PRAME: variants seen among roughly 807,000 people sequenced by gnomAD.
The protein encoded by PRAME is melanoma antigen preferentially expressed in tumors.
In PRAME, 21 loss-of-function variants were observed where a neutral mutation model predicts 32.1. That is an observed-to-expected ratio of 0.65 (90% CI 0.46 to 0.94). The LOEUF (loss-of-function observed/expected upper bound fraction) is 0.94, where lower values mean the gene tolerates loss of function less well. Among genes scored for constraint, PRAME ranks in the 40% least tolerant of loss-of-function variants. The pLI is 0.00. For missense variants in PRAME, 651 were observed against 622.3 expected, an observed-to-expected ratio of 1.05 and a Z score of -0.49; for synonymous variants, 274 against 251.5, an observed-to-expected ratio of 1.09 and a Z score of -0.85.
At chr22:22,556,710 G>C in intron 3 of PRAME, 102 bp downstream of exon 3, 1 of 1,407,910 alleles carries the variant, frequency 7.1e-7, no homozygotes, top group Non-Finnish European at 1.0e-6. Context: ...TTCGTCTACT[G>C]TGAGGGACCT....
chr22:22,548,897 G>A (rs2146954695), intron 5 of PRAME, among the ~76,000 whole-genome samples: 2 of 152,014 alleles, frequency 1.3e-5, no homozygotes, highest in South Asian at 4.2e-4. Context: ...GTCCAACACA[G>A]ACCTCTTAGG....
At chr22:22,555,962 G>A (rs568430302) in intron 3 of PRAME, 4 of 459,766 alleles carry the variant, frequency 8.7e-6, no homozygotes, top group African/African-American at 2.0e-5. Context: ...TGTAATCGTG[G>A]CTTTGGCAAT....
Position 22,556,876 on chromosome 22 carries a change from T to C in PRAME, c.-44A>G. 6.2e-7 allele frequency: 1 copy of C among 1,612,146 alleles called. No individual in the cohort carries two copies. Among genetic ancestry groups the C allele is most frequent in the East Asian group, 2.2e-5 (1 of 44,776 alleles). ...GGCCTCAGGACCTCCAACGCTTGGA[T>C]TTCTAGGTCTCAGTCACTTGTTGCC... On this transcript the variant is annotated 5_prime_UTR_variant, in exon 3 of 6. Transcript: ENST00000405655.
At chr22:22,550,544 A>C (rs1423196210) in intron 4 of PRAME, among the ~76,000 whole-genome samples, 2 of 151,912 alleles carry the variant, frequency 1.3e-5, no homozygotes, top group Non-Finnish European at 2.9e-5. Context: ...AGGAGGAAGC[A>C]GGTGCATGTT....
chr22:22,551,574 A>G (rs193167957), intron 3 of PRAME, among the ~76,000 whole-genome samples: 11 of 152,096 alleles, frequency 7.2e-5, no homozygotes, highest in Non-Finnish European at 1.5e-5. Context: ...TCACTAAAAA[A>G]TTTTAAATGA....
intron 3 of PRAME, among the ~76,000 whole-genome samples, chr22:22,552,386 G>T: frequency 8.1e-6 from 1 of 123,842 alleles, no homozygotes; most frequent in Non-Finnish European, 1.6e-5. Context: ...AAAATTCAAA[G>T]TAGATGTCTT....
intron 3 of PRAME, chr22:22,552,870 TCCATGG>T: frequency 2.1e-6 from 1 of 470,820 alleles, no homozygotes; most frequent in South Asian, 1.5e-5. Context: ...CAACATTGAC[TCCATGG>T]CCTCTGGGTC....
intron 3 of PRAME, chr22:22,555,981 C>A: frequency 2.3e-6 from 1 of 426,320 alleles, no homozygotes. Flanking sequence ...ATAAGGTCCA[C>A]AATGCATTAA....
intron 5 of PRAME, among the ~76,000 whole-genome samples, chr22:22,549,255 C>T (rs1569214776): frequency 6.6e-6 from 1 of 151,912 alleles, no homozygotes; most frequent in Admixed American, 6.6e-5. Flanking sequence ...CCACCTATTA[C>T]CCTAACTGGA....
At position 22,547,825 on chromosome 22, in the gene PRAME, T is replaced by C. The variant is rs2146944639; in HGVS notation, c.*242A>G. On this transcript the variant is annotated 3_prime_UTR_variant, in exon 6 of 6. Transcript: ENST00000405655. ...GAAATTCAGATTCTATTTCTAACTC[T>C]ATAAGATGTATCTCCCCAAAGATCA... 1 of 564,768 alleles carries C rather than the reference T, an allele frequency of 1.8e-6. No individual in the cohort carries two copies. Among genetic ancestry groups the C allele is most frequent in the Non-Finnish European group, 3.1e-6 (1 of 320,942 alleles). 35.0% of individuals were successfully genotyped at this position (564,768 alleles called of 1,614,324 possible).
At chr22:22,553,632 A>C (rs1243018963) in intron 3 of PRAME, among the ~76,000 whole-genome samples, 1 of 151,952 alleles carries the variant, frequency 6.6e-6, no homozygotes, top group Non-Finnish European at 1.5e-5. Context: ...TCCTCTTGGC[A>C]AACAGCCTTG....
chr22:22,550,005 A>T lies in PRAME; in HGVS notation c.674T>A (p.Met225Lys), dbSNP rs1415756722. ...GTCCAGCTGCACCATTTTCAGGATC[A>T]TCTTGATATCCTGCATGGGCATTGC... ...IFAMPMQDIK[M>K]ILKMVQLDSI... Residue 225 changes from methionine to lysine, a missense_variant, in exon 5 of 6, where the codon ATG becomes AAG. Transcript: ENST00000405655. The T allele has an allele frequency of 6.2e-7, 1 of 1,613,772 alleles. No individual in the cohort carries two copies. Among genetic ancestry groups the T allele is most frequent in the African/African-American group, 1.3e-5 (1 of 74,862 alleles).
chr22:22,548,385 G>C lies in PRAME; in HGVS notation c.1212C>G (p.His404Gln). Residue 404 changes from histidine (H) to glutamine (Q), a missense_variant, in exon 6 of 6, where the codon CAC becomes CAG. Physicochemically the swap from His to Gln is conservative, Grantham distance 24. Transcript: ENST00000405655. ...QLLALLPSLS[H>Q]CSQLTTLSFY... ...AGCTTAAGGTCGTAAGCTGGGAGCA[G>C]TGGCTCAGGGAAGGCAGGAGGGCAA... 1 of 1,613,530 alleles carries C rather than the reference G, an allele frequency of 6.2e-7. No individual in the cohort carries two copies. The highest frequency in any genetic ancestry group is 8.5e-7 in the Non-Finnish European group (1 of 1,179,954).
chr22:22,556,140 C>T (rs889448506), intron 3 of PRAME, among the ~76,000 whole-genome samples: 3 of 151,642 alleles, frequency 2.0e-5, no homozygotes, highest in East Asian at 2.0e-4. Flanking sequence ...GCTGGGACTA[C>T]AGATGTGGGC....
chr22:22,550,841 T>C lies in PRAME; in HGVS notation c.270A>G (p.Gln90=), dbSNP rs531364304. Reference sequence around the variant, plus strand: ...CTTTGAAGGTCTCCAGGTGAAGATGTTGTCCCTTCATCAGCACTCCCAGAG... The same window carrying C: ...CTTTGAAGGTCTCCAGGTGAAGATGCTGTCCCTTCATCAGCACTCCCAGAG... ...CLPLGVLMKG[Q]HLHLETFKAV... is the part of the protein sequence containing the mutation. The change falls in exon 4 of 6, where the codon CAA becomes CAG. Residue 90 remains glutamine (Q), a synonymous_variant. Coordinates refer to ENST00000405655, the MANE Select transcript of PRAME (RefSeq NM_206956.3). 1.5e-5 allele frequency: 25 copies of C among 1,613,224 alleles called. No individual in the cohort carries two copies. Among genetic ancestry groups the C allele is most frequent in the South Asian group, 8.8e-5 (8 of 91,034 alleles).
At chr22:22,551,346 A>G (rs2062554681) in intron 3 of PRAME, among the ~76,000 whole-genome samples, 1 of 151,882 alleles carries the variant, frequency 6.6e-6, no homozygotes, top group South Asian at 2.1e-4. Flanking sequence ...GTATCTACCC[A>G]CTACTCTATT....
Position 22,548,236 on chromosome 22 carries a change from G to T in PRAME, c.1361C>A (p.Thr454Asn). ...PLESYEDIHG[T>N]LHLERLAYLH... ...ATAGGCAAGCCTCTCCAGGTGGAGG[G>T]TACCATGGATGTCCTCATAACTCTC... is the stretch of plus-strand genomic sequence containing the variant. Residue 454 changes from threonine (T) to asparagine (N), a missense_variant, in exon 6 of 6, where the codon ACC becomes AAC. By Grantham distance (65) the Thr-to-Asn change is moderately conservative. Transcript: ENST00000405655. 1 of 1,613,844 alleles carries T rather than the reference G, an allele frequency of 6.2e-7. No homozygotes were observed.
At chr22:22,556,752 AAGGACAG>A (rs1357322636) in intron 3 of PRAME, 53 bp downstream of exon 3, 1 of 1,601,460 alleles carries the variant, frequency 6.2e-7, no homozygotes, top group Non-Finnish European at 8.5e-7. Flanking sequence ...CTCGAGTGAC[AAGGACAG>A]AGGGGAACAG....
intron 3 of PRAME, among the ~76,000 whole-genome samples, chr22:22,553,304 G>A (rs1047566089): frequency 3.9e-5 from 6 of 151,956 alleles, no homozygotes; most frequent in African/African-American, 1.4e-4. Flanking sequence ...CAGAGGGGTG[G>A]CTGGTCTTCC....
Sources: allele counts gnomAD v4.1 joint callset (sites outside exome capture counted in the v4.1 genomes callset), GRCh38; gene constraint gnomAD v4.1.1; transcripts MANE v1.5; gene names NCBI Gene and HGNC (gene_info 2026-07-23, HGNC 2026-07-21).